The following NPHP4 variants were observed in gnomAD, a reference collection of about 807,000 sequenced individuals.
NPHP4 encodes the protein nephrocystin-4.
NPHP4 carries 151 observed loss-of-function variants against 155.8 expected under a neutral mutation model. The ratio of observed to expected loss-of-function variants is 0.97; its 90% CI spans 0.85 to 1.11. The LOEUF is 1.11. Among genes scored for constraint, NPHP4 ranks in the 50% least tolerant of loss-of-function variants. The probability of loss-of-function intolerance (pLI) is 0.00; values close to 1 mark genes in which losing one functional copy is unlikely to be tolerated. For missense variants in NPHP4, 1,956 were observed against 1,925.7 expected (o/e 1.02, Z -0.29); for synonymous variants, 845 against 816.8 (o/e 1.03, Z -0.59).
Position 5,869,057 on chromosome 1 carries a change from A to G in NPHP4, c.3316-1161T>C, listed in dbSNP as rs542514061. ...TACATGCACACATGCCCCCACACGC[A>G]CACACATGCATGCCCACATGCATGC... On this transcript the variant is annotated intron_variant, in intron 23 of 29. Coordinates refer to ENST00000378156, the MANE Select transcript of NPHP4 (RefSeq NM_015102.5). Among the ~76,000 whole-genome samples the G allele has an allele frequency of 2.2e-4, 32 of 142,278 alleles. No homozygotes were observed. In the South Asian group the frequency reaches 3.8e-3, roughly 17 times the overall value. 93.3% of individuals were successfully genotyped at this position (142,278 alleles called of 152,430 possible).
intron 1 of NPHP4, among the ~76,000 whole-genome samples, chr1:5,987,131 T>G (rs1369001992): frequency 6.6e-6 from 1 of 151,996 alleles, no homozygotes; most frequent in East Asian, 1.9e-4. Context: ...AGTCTCTTGT[T>G]GCTAAAGCCA....
rs1644199338 is a variant in NPHP4 at position 5,892,768 on chromosome 1, C to T, written c.2144-1740G>A. On this transcript the variant is annotated intron_variant, in intron 16 of 29. Transcript: ENST00000378156. The surrounding 1 kb of genome is among the most constrained non-coding windows in gnomAD (Gnocchi z 4.5). ...CCTGAGGTCCAAGCTCCCCACAGTC[C>T]ACCCTGTGTCATTTCCATCCCACTC... Among the ~76,000 whole-genome samples, 2 of 152,234 alleles carry T rather than the reference C, an allele frequency of 1.3e-5. No homozygotes were observed. Among genetic ancestry groups the T allele is most frequent in the South Asian group, 4.1e-4 (2 of 4,824 alleles).
intron 16 of NPHP4, among the ~76,000 whole-genome samples, chr1:5,899,182 A>G (rs956241953): frequency 2.0e-5 from 3 of 152,192 alleles, no homozygotes; most frequent in South Asian, 2.1e-4. Flanking sequence ...ACTACCAGGC[A>G]TATCTCTAAC....
intron 11 of NPHP4, among the ~76,000 whole-genome samples, chr1:5,926,685 A>G (rs1010145646): frequency 2.6e-5 from 4 of 152,228 alleles, no homozygotes; most frequent in Middle Eastern, 3.2e-3. Flanking sequence ...ATCTCAATCC[A>G]TGAAGAAAAC....
chr1:5,945,025 C>T (rs1029585187), intron 9 of NPHP4, among the ~76,000 whole-genome samples: 2 of 152,200 alleles, frequency 1.3e-5, no homozygotes, highest in African/African-American at 4.8e-5. Context: ...CCCAGACGCC[C>T]ATGAAGCGGC....
chr1:5,895,517 A>G (rs1644351561), intron 16 of NPHP4, among the ~76,000 whole-genome samples: 2 of 152,060 alleles, frequency 1.3e-5, no homozygotes. Flanking sequence ...AACAAAACAA[A>G]ACACAACAAA....
chr1:5,969,814 T>C (rs2102263037), intron 3 of NPHP4, among the ~76,000 whole-genome samples: 1 of 152,354 alleles, frequency 6.6e-6, no homozygotes, highest in South Asian at 2.1e-4. Flanking sequence ...CCATCTGAAC[T>C]GTATTTAAAC....
intron 9 of NPHP4, among the ~76,000 whole-genome samples, chr1:5,935,328 C>T (rs1036878031): frequency 2.0e-5 from 3 of 152,154 alleles, no homozygotes; most frequent in East Asian, 1.9e-4. Flanking sequence ...TTCACGCCCC[C>T]GTCACAGGGT....
chr1:5,877,287 C>T lies in NPHP4; in HGVS notation c.2623G>A (p.Val875Met), dbSNP rs571204647. The T allele has an allele frequency of 3.1e-5, 50 of 1,595,036 alleles. No homozygotes were observed. In the African/African-American group the frequency reaches 5.5e-4, roughly 17 times the overall value. The part of the protein sequence containing the change: ...TTGSSRRKHV[V>M]QAQKLADVDS... ...ACGTCCGCCAGCTTCTGTGCTTGCA[C>T]CACGTGTTTTCCTGCGAAAGGGTCA... Residue 875 changes from valine (V) to methionine (M), a missense_variant, in exon 20 of 30, where the codon GTG becomes ATG. Coordinates refer to ENST00000378156, the MANE Select transcript of NPHP4 (RefSeq NM_015102.5).
chr1:5,863,012 G>C lies in NPHP4; in HGVS notation c.*253C>G, dbSNP rs1640800822. 1 of 554,658 alleles carries C rather than the reference G, an allele frequency of 1.8e-6. No individual in the cohort carries two copies. The highest frequency in any genetic ancestry group is 2.2e-5 in the South Asian group (1 of 45,940). 34.4% of individuals were successfully genotyped at this position (554,658 alleles called of 1,614,324 possible). A position where few individuals can be genotyped will look rare whatever the true frequency, so the allele number is the denominator to read the frequency against. On this transcript the variant is annotated 3_prime_UTR_variant, in exon 30 of 30. Transcript: ENST00000378156. Reference sequence around the variant, plus strand: ...CCCACATGCGTAGATGGCAGCACCAGAGCCAGACCCACCACCACGGAGTTC... The same window carrying C: ...CCCACATGCGTAGATGGCAGCACCACAGCCAGACCCACCACCACGGAGTTC...
In NPHP4 at chr1:5,892,701, C is replaced by G. The variant is rs190285641; in HGVS notation, c.2144-1673G>C. Among the ~76,000 whole-genome samples the G allele has an allele frequency of 2.1e-4, 32 of 152,140 alleles. No individual in the cohort carries two copies. Among genetic ancestry groups the G allele is most frequent in the Admixed American group, 2.1e-3 (32 of 15,294 alleles). On this transcript the variant is annotated intron_variant, in intron 16 of 29. Coordinates refer to ENST00000378156, the MANE Select transcript of NPHP4 (RefSeq NM_015102.5). The surrounding 1 kb of genome is among the most constrained non-coding windows in gnomAD (Gnocchi z 4.5). ...CCCCACTGCAGCCTCAGACCTCTCC[C>G]CTCCCTGTCCAGCTGAGACAAGTGG...
intron 1 of NPHP4, among the ~76,000 whole-genome samples, chr1:5,988,877 A>C (rs1004493028): frequency 6.6e-6 from 1 of 152,092 alleles, no homozygotes; most frequent in Admixed American, 6.5e-5. Context: ...CCCACAGTGC[A>C]CGCAGATGCT....
At chr1:5,934,696 G>A (rs528193665) in intron 9 of NPHP4, among the ~76,000 whole-genome samples, 7 of 152,308 alleles carry the variant, frequency 4.6e-5, no homozygotes, top group African/African-American at 1.7e-4. Flanking sequence ...AGGCAGCATC[G>A]CAAGCGCAGC....
In NPHP4 at chr1:5,890,868, C is replaced by T. The variant is rs781661933; in HGVS notation, c.2304G>A (p.Lys768=). 7.5e-6 allele frequency: 12 copies of T among 1,608,348 alleles called. No homozygotes were observed. The highest frequency in any genetic ancestry group is 2.2e-5 in the East Asian group (1 of 44,700). Residue 768 remains lysine, a splice_region_variant and synonymous_variant, in exon 17 of 30, where the codon AAG becomes AAA. Coordinates refer to ENST00000378156, the MANE Select transcript of NPHP4 (RefSeq NM_015102.5). This position sits in a 1 kb window ranked among gnomAD's most constrained non-coding sequence, Gnocchi z 4.9. ...LLIGSAAVQM[K]HLLRQGRPAV... is the part of the protein sequence containing the mutation. ...GCCTGTCCTTCCAGAGAGCCGCTAC[C>T]TTCATCTGGACGGCAGCAGATCCGA... is the stretch of plus-strand genomic sequence containing the variant.
chr1:5,967,073 G>A (rs564559064), intron 5 of NPHP4, among the ~76,000 whole-genome samples: 319 of 152,316 alleles, frequency 2.1e-3, no homozygotes, highest in African/African-American at 6.9e-3. Context: ...GCGCTCCCGT[G>A]CTCATCCCCA....
chr1:5,971,175 C>T (rs1007185192), intron 3 of NPHP4, among the ~76,000 whole-genome samples: 3 of 152,226 alleles, frequency 2.0e-5, no homozygotes, highest in Non-Finnish European at 4.4e-5. Context: ...GAACCTGCCG[C>T]TACGGGCATG....
At chr1:5,967,183 T>A in intron 5 of NPHP4, 116 bp downstream of exon 5, 1 of 797,074 alleles carries the variant, frequency 1.3e-6, no homozygotes, top group Non-Finnish European at 2.0e-6. Context: ...TTAGATAAAT[T>A]AGCTAAGCAG....
At chr1:5,935,014 A>G (rs1456569162) in intron 9 of NPHP4, among the ~76,000 whole-genome samples, 14 of 152,136 alleles carry the variant, frequency 9.2e-5, no homozygotes, top group Admixed American at 7.9e-4. Flanking sequence ...CGTGCTCTCA[A>G]GGCCTCTAAA....
rs553596361 is a variant in NPHP4 at position 5,864,891 on chromosome 1, C to G, written c.3816+211G>C. The G allele has an allele frequency of 1.8e-4, 104 of 571,184 alleles. No homozygotes were observed. In the Admixed American group the frequency reaches 1.9e-3, roughly 11 times the overall value. The allele number at this position is 571,184 out of a possible 1,614,324, so 35.4% of individuals were successfully genotyped here. On this transcript the variant is annotated intron_variant, in intron 27 of 29. Coordinates refer to ENST00000378156, the MANE Select transcript of NPHP4 (RefSeq NM_015102.5). Reference sequence around the variant, plus strand: ...CCTTGCCAGGAATTCTGAACACCGGCCTTTGGGGTTGGTGTGTACGTCACT... The same window carrying G: ...CCTTGCCAGGAATTCTGAACACCGGGCTTTGGGGTTGGTGTGTACGTCACT...
Sources: allele counts gnomAD v4.1 joint callset (sites outside exome capture counted in the v4.1 genomes callset), GRCh38; gene constraint gnomAD v4.1.1; non-coding constraint Gnocchi (gnomAD v3.1); transcripts MANE v1.5; gene names NCBI Gene and HGNC (gene_info 2026-07-23, HGNC 2026-07-21).